Variants in HECTD4 observed in about 807,000 individuals in gnomAD.
The protein encoded by HECTD4 is HECT domain E3 ubiquitin protein ligase 4, also known as probable E3 ubiquitin-protein ligase HECTD4.
HECTD4 carries 114 observed loss-of-function variants against 471.5 expected under a neutral mutation model. The observed-to-expected ratio is 0.24, with a 90% CI of 0.21 to 0.28. The LOEUF is 0.28. Among genes scored for constraint, HECTD4 ranks in the 10% least tolerant of loss-of-function variants. HECTD4 has a pLI of 1.00. For missense variants in HECTD4, 3,866 were observed against 5,651.5 expected, an observed-to-expected ratio of 0.68 and a Z score of 10.13; for synonymous variants, 2,012 against 2,256.0, an observed-to-expected ratio of 0.89 and a Z score of 3.07.
chr12:112,183,597 G>A (rs1430651533), intron 61 of HECTD4, among the ~76,000 whole-genome samples: 1 of 152,206 alleles, frequency 6.6e-6, no homozygotes, highest in Non-Finnish European at 1.5e-5. Context: ...AGTGATTCTA[G>A]GAAAGAAACC....
chr12:112,300,151 C>A (rs112173164), intron 7 of HECTD4, among the ~76,000 whole-genome samples: 8,380 of 151,862 alleles, frequency 0.055, 299 homozygotes, highest in Middle Eastern at 0.16. Flanking sequence ...CCCGTCTCTG[C>A]TAAAAATACA....
At chr12:112,171,472 T>C (rs1158503784) in intron 67 of HECTD4, 1 of 701,898 alleles carries the variant, frequency 1.4e-6, no homozygotes, top group East Asian at 2.8e-5. Context: ...GCTGGCCAGA[T>C]GGAGGTGCTG....
chr12:112,229,917 G>A (rs1013180176), intron 40 of HECTD4, 37 bp from the exon 41 acceptor site: 2 of 1,562,294 alleles, frequency 1.3e-6, no homozygotes, highest in African/African-American at 2.7e-5. Context: ...AGGAGTTAAA[G>A]CTTTGGTTGT....
intron 54 of HECTD4, among the ~76,000 whole-genome samples, chr12:112,201,753 C>A (rs753818729): frequency 2.6e-5 from 4 of 152,066 alleles, no homozygotes; most frequent in Non-Finnish European, 5.9e-5. Flanking sequence ...ATATTTCCAG[C>A]GCAAACTGTT....
At chr12:112,219,285 C>A in intron 45 of HECTD4, 101 bp downstream of exon 45, 1 of 749,856 alleles carries the variant, frequency 1.3e-6, no homozygotes, top group Middle Eastern at 3.2e-4. Context: ...CTCCAAACGG[C>A]TTTGCAAACA....
chr12:112,177,801 G>A (rs1228973978), intron 64 of HECTD4, among the ~76,000 whole-genome samples: 1 of 152,168 alleles, frequency 6.6e-6, no homozygotes, highest in Admixed American at 6.5e-5. Context: ...ACCCAACACT[G>A]GGCATATGTA....
intron 1 of HECTD4, among the ~76,000 whole-genome samples, chr12:112,372,003 CT>C (rs2036686059): frequency 6.6e-6 from 1 of 151,678 alleles, no homozygotes; most frequent in South Asian, 2.1e-4. Context: ...GATAGTTTTG[CT>C]TTCAAATACA....
chr12:112,345,890 G>A (rs990469789), intron 1 of HECTD4, among the ~76,000 whole-genome samples: 3 of 152,156 alleles, frequency 2.0e-5, no homozygotes, highest in Admixed American at 6.5e-5. Context: ...GCGAGACTCC[G>A]TCTCAAAAAC....
chr12:112,210,280 G>C, intron 49 of HECTD4, 28 bp from the exon 50 acceptor site: 2 of 1,603,998 alleles, frequency 1.2e-6, no homozygotes, highest in Non-Finnish European at 1.7e-6. Flanking sequence ...TGAAGGATTT[G>C]GAAAGACTTA....
In HECTD4 at chr12:112,281,866, T is replaced by C. The variant is rs550326540; in HGVS notation, c.1528+1244A>G. Among the ~76,000 whole-genome samples the C allele has an allele frequency of 7.2e-5, 11 of 152,330 alleles. No individual in the cohort carries two copies. The South Asian group carries it at 2.3e-3, about 32-fold the overall frequency. On this transcript the variant is annotated intron_variant, in intron 8 of 75. Transcript: ENST00000682272. The stretch of plus-strand genomic sequence containing the variant: ...CATATGGCATCTTTTTCTAGCTTTA[T>C]CTTTTACTGCAGTTCATAGTTTGCT...
At chr12:112,185,578 C>G (rs2031832643) in intron 60 of HECTD4, 85 bp from the exon 61 acceptor site, 2 of 1,015,070 alleles carry the variant, frequency 2.0e-6, no homozygotes, top group Admixed American at 5.6e-5. Flanking sequence ...AATCAACCCT[C>G]ATAACAACCC....
intron 7 of HECTD4, among the ~76,000 whole-genome samples, chr12:112,283,957 T>TC (rs1396740289): frequency 4.2e-5 from 6 of 142,964 alleles, no homozygotes; most frequent in African/African-American, 1.6e-4. Context: ...TCTTTCTTCT[T>TC]TTTTTTTTTT....
intron 9 of HECTD4, among the ~76,000 whole-genome samples, chr12:112,277,711 C>T (rs1263524091): frequency 6.6e-6 from 1 of 152,218 alleles, no homozygotes; most frequent in Non-Finnish European, 1.5e-5. Context: ...GAATACTCTC[C>T]ATCTCTTCTC....
chr12:112,245,742 A>G (rs1227065514), intron 29 of HECTD4, among the ~76,000 whole-genome samples: 2 of 152,248 alleles, frequency 1.3e-5, no homozygotes, highest in African/African-American at 4.8e-5. Flanking sequence ...TCAGGTTAAG[A>G]ATGAATGCTT....
chr12:112,180,103 C>A (rs1034677751), intron 62 of HECTD4, among the ~76,000 whole-genome samples: 5 of 152,218 alleles, frequency 3.3e-5, no homozygotes, highest in Admixed American at 1.3e-4. Flanking sequence ...GCCCCTCATT[C>A]CCTCTGGACT....
chr12:112,211,355 A>G (rs1254300509), intron 49 of HECTD4, among the ~76,000 whole-genome samples: 1 of 152,014 alleles, frequency 6.6e-6, no homozygotes, highest in South Asian at 2.1e-4. Flanking sequence ...AGCGGGGACT[A>G]CTCTGGCACC....
chr12:112,165,961 GACAC>G (rs1268222886), intron 72 of HECTD4, among the ~76,000 whole-genome samples: 2 of 152,176 alleles, frequency 1.3e-5, no homozygotes, highest in African/African-American at 4.8e-5. Context: ...CTTCACCGCA[GACAC>G]TCCACTGATA....
chr12:112,189,095 G>A (rs1472046879), intron 60 of HECTD4, among the ~76,000 whole-genome samples: 9 of 152,136 alleles, frequency 5.9e-5, no homozygotes, highest in Admixed American at 5.9e-4. Context: ...CTGAACTCAA[G>A]TGATCCTCTT....
chr12:112,294,863 A>C (rs145048897), intron 7 of HECTD4, among the ~76,000 whole-genome samples: 14 of 152,346 alleles, frequency 9.2e-5, no homozygotes, highest in African/African-American at 2.9e-4. Flanking sequence ...AAAACATATG[A>C]AAAGATCAAT....
Sources: allele counts gnomAD v4.1 joint callset (sites outside exome capture counted in the v4.1 genomes callset), GRCh38; gene constraint gnomAD v4.1.1; transcripts MANE v1.5; gene names NCBI Gene and HGNC (gene_info 2026-07-23, HGNC 2026-07-21).